BCAT1: variants seen among roughly 807,000 people sequenced by gnomAD.
BCAT1 encodes branched chain amino acid transaminase 1, also known as branched-chain-amino-acid aminotransferase, cytosolic.
Under a neutral mutation model 52.4 loss-of-function variants are expected in BCAT1, and 48 were observed. The observed-to-expected ratio is 0.92, with a 90% CI of 0.73 to 1.16. The LOEUF (loss-of-function observed/expected upper bound fraction) is 1.16. Ranked by LOEUF, BCAT1 falls within the 50% of genes most tolerant of loss-of-function variation. The pLI is 0.00. For missense variants in BCAT1, 451 were observed against 457.1 expected (o/e 0.99, Z 0.12); for synonymous variants, 167 against 161.3 (o/e 1.04, Z -0.27).
At chr12:24,865,676 T>C (rs1013030884) in intron 5 of BCAT1, among the ~76,000 whole-genome samples, 2 of 152,146 alleles carry the variant, frequency 1.3e-5, no homozygotes, top group Non-Finnish European at 2.9e-5. Context: ...GAATATAATA[T>C]ATAAAATCTG....
intron 1 of BCAT1, among the ~76,000 whole-genome samples, chr12:24,912,680 C>T (rs908256364): frequency 1.5e-5 from 2 of 137,282 alleles, no homozygotes; most frequent in Admixed American, 1.5e-4. Flanking sequence ...GCCTGGACAA[C>T]ACAGTGAGAC....
chr12:24,900,136 C>G (rs1403941584), intron 2 of BCAT1, among the ~76,000 whole-genome samples: 1 of 151,820 alleles, frequency 6.6e-6, no homozygotes, highest in Non-Finnish European at 1.5e-5. Context: ...ATTTTTATTC[C>G]CTAAATTATC....
intron 1 of BCAT1, among the ~76,000 whole-genome samples, chr12:24,924,366 C>T (rs1306888352): frequency 6.6e-6 from 1 of 152,204 alleles, no homozygotes; most frequent in Admixed American, 6.5e-5. Context: ...TTTACACAGT[C>T]TCAAAGTCTT....
rs1939708648 is a variant in BCAT1, at chr12:24,812,177, G to A, written c.*5831C>T. ...ATTCCTTTCTTAACCCTGAGAATGA[G>A]TTTAATGATCATAGGAAACTAGTTT... On this transcript the variant is annotated 3_prime_UTR_variant, in exon 11 of 11. Transcript: ENST00000261192. The A allele has an allele frequency of 1.3e-5, 2 of 152,094 alleles. No homozygotes were observed. The highest frequency in any genetic ancestry group is 4.1e-4 in the South Asian group (2 of 4,836). 9.4% of individuals were successfully genotyped at this position (152,094 alleles called of 1,614,324 possible). A position where few individuals can be genotyped will look rare whatever the true frequency, so the allele number is the denominator to read the frequency against.
intron 9 of BCAT1, among the ~76,000 whole-genome samples, chr12:24,832,391 T>A (rs1238915857): frequency 6.6e-6 from 1 of 151,918 alleles, no homozygotes; most frequent in Non-Finnish European, 1.5e-5. Context: ...TAGTGCCAAG[T>A]TAAAAAACAA....
chr12:24,919,900 G>A (rs1478090249), intron 1 of BCAT1, among the ~76,000 whole-genome samples: 1 of 152,090 alleles, frequency 6.6e-6, no homozygotes, highest in Non-Finnish European at 1.5e-5. Context: ...CTTTCGCTTG[G>A]TTCTCATTTT....
rs557122258 is a variant in BCAT1 at position 24,894,211 on chromosome 12, G to A, written c.279+64C>T. ...CTGCCCAAGAGCTATTTTAGCAGGAGAAGCTACTTAGTACCCACAGTGAAG... is the reference window on the plus strand; with the variant it reads ...CTGCCCAAGAGCTATTTTAGCAGGAAAAGCTACTTAGTACCCACAGTGAAG... On this transcript the variant is annotated intron_variant, in intron 3 of 10. Transcript: ENST00000261192. The A allele has an allele frequency of 2.6e-5, 39 of 1,497,748 alleles. No homozygotes were observed. The East Asian group carries it at 7.3e-4, about 28-fold the overall frequency. 92.8% of individuals were successfully genotyped at this position (1,497,748 alleles called of 1,614,324 possible). A position where few individuals can be genotyped will look rare whatever the true frequency, so the allele number is the denominator to read the frequency against.
At chr12:24,910,070 G>A (rs11047702) in intron 1 of BCAT1, among the ~76,000 whole-genome samples, 39,495 of 152,032 alleles carry the variant, frequency 0.26, 5,540 homozygotes, top group East Asian at 0.4. Flanking sequence ...GAGACCATGA[G>A]AGATAAAAAT....
intron 5 of BCAT1, among the ~76,000 whole-genome samples, chr12:24,876,457 T>C (rs1350083125): frequency 2.0e-5 from 3 of 152,120 alleles, no homozygotes; most frequent in African/African-American, 4.8e-5. Flanking sequence ...ATTGATATAA[T>C]TCATTCATTA....
intron 7 of BCAT1, among the ~76,000 whole-genome samples, chr12:24,837,044 A>AAAGAAAG (rs1420300880): frequency 5.2e-5 from 5 of 96,598 alleles, no homozygotes; most frequent in Admixed American, 4.1e-4. Flanking sequence ...AAGAAAAAAG[A>AAAGAAAG]AAAGAAAAGA....
At chr12:24,829,729 G>T in intron 10 of BCAT1, 94 bp downstream of exon 10, 1 of 1,016,820 alleles carries the variant, frequency 9.8e-7, no homozygotes, top group Non-Finnish European at 1.4e-6. Flanking sequence ...CCTCTTCATT[G>T]AAATATAATT....
intron 3 of BCAT1, among the ~76,000 whole-genome samples, chr12:24,883,829 A>T (rs1311440320): frequency 1.3e-5 from 2 of 152,150 alleles, no homozygotes; most frequent in Non-Finnish European, 2.9e-5. Flanking sequence ...AGATTCCTGC[A>T]ATGCACAGTT....
chr12:24,857,769 T>C (rs1250469513), intron 5 of BCAT1, among the ~76,000 whole-genome samples: 1 of 152,226 alleles, frequency 6.6e-6, no homozygotes, highest in Non-Finnish European at 1.5e-5. Flanking sequence ...TTGCATTGTG[T>C]TACCTAATGT....
chr12:24,867,444 C>T (rs1406553629), intron 5 of BCAT1, among the ~76,000 whole-genome samples: 3 of 149,808 alleles, frequency 2.0e-5, no homozygotes, highest in African/African-American at 4.9e-5. Flanking sequence ...CATTGCCAAA[C>T]GTCATAGCTG....
At chr12:24,902,161 C>G in intron 1 of BCAT1, 1 of 1,438,796 alleles carries the variant, frequency 7.0e-7, no homozygotes, top group Non-Finnish European at 9.1e-7. Flanking sequence ...GTCAGCCCTA[C>G]AGAGCCAGGG....
intron 1 of BCAT1, among the ~76,000 whole-genome samples, chr12:24,939,536 A>C (rs538617667): frequency 6.6e-6 from 1 of 152,318 alleles, no homozygotes; most frequent in South Asian, 2.1e-4. Context: ...TACTGGTCTT[A>C]ACTAAAATTT....
At chr12:24,867,396 A>G (rs1268454940) in intron 5 of BCAT1, among the ~76,000 whole-genome samples, 2 of 149,390 alleles carry the variant, frequency 1.3e-5, no homozygotes, top group Admixed American at 1.3e-4. Context: ...AGCATTCCAC[A>G]ATTGTTATTG....
intron 1 of BCAT1, among the ~76,000 whole-genome samples, chr12:24,926,369 C>T (rs913931246): frequency 1.3e-4 from 20 of 151,864 alleles, no homozygotes; most frequent in Non-Finnish European, 2.2e-4. Context: ...CCGCCCCGTC[C>T]GGGAGGGAGG....
intron 2 of BCAT1, among the ~76,000 whole-genome samples, chr12:24,897,223 C>T (rs1798417830): frequency 6.6e-6 from 1 of 152,002 alleles, no homozygotes; most frequent in African/African-American, 2.4e-5. Context: ...GATTATGATC[C>T]AGTATATATA....
Sources: allele counts gnomAD v4.1 joint callset (sites outside exome capture counted in the v4.1 genomes callset), GRCh38; gene constraint gnomAD v4.1.1; transcripts MANE v1.5; gene names NCBI Gene and HGNC (gene_info 2026-07-23, HGNC 2026-07-21).